Variants in KIF15 observed in about 807,000 individuals in gnomAD.
KIF15 encodes kinesin-like protein KIF15.
KIF15 carries 140 observed loss-of-function variants against 190.6 expected under a neutral mutation model. The observed-to-expected ratio is 0.73, with a 90% CI of 0.64 to 0.84. The LOEUF (loss-of-function observed/expected upper bound fraction) is 0.84, where lower values mean the gene tolerates loss of function less well. Among genes scored for constraint, KIF15 ranks in the 40% least tolerant of loss-of-function variants. KIF15 has a pLI of 0.00. For synonymous variants in KIF15, 528 were observed against 551.3 expected (o/e 0.96, Z 0.59); for missense variants, 1,372 against 1,584.4 (o/e 0.87, Z 2.28).
intron 6 of KIF15, among the ~76,000 whole-genome samples, chr3:44,867,163 A>G (rs886293821): frequency 6.6e-6 from 1 of 152,078 alleles, no homozygotes; most frequent in African/African-American, 2.4e-5. Context: ...CAGAACCACA[A>G]TGTCAGCCCG....
chr3:44,845,261 A>G (rs1018705916), intron 30 of KIF15, among the ~76,000 whole-genome samples: 2 of 152,184 alleles, frequency 1.3e-5, no homozygotes, highest in African/African-American at 4.8e-5. Flanking sequence ...GGTGGTGGTC[A>G]TGGAGGTGGT....
At chr3:44,810,743 T>C (rs1707744485) in intron 16 of KIF15, 103 bp from the exon 17 acceptor site, 2 of 960,992 alleles carry the variant, frequency 2.1e-6, no homozygotes, top group South Asian at 3.6e-5. Context: ...TTCCTTTCTT[T>C]TCATGAATAG....
chr3:44,790,895 A>T (rs1706666598), intron 7 of KIF15, among the ~76,000 whole-genome samples: 1 of 151,732 alleles, frequency 6.6e-6, no homozygotes, highest in South Asian at 2.1e-4. Flanking sequence ...GTTGGCCAGG[A>T]TGGTCTCTAT....
intron 7 of KIF15, among the ~76,000 whole-genome samples, chr3:44,791,618 T>G (rs73076568): frequency 0.042 from 6,399 of 152,288 alleles, 173 homozygotes; most frequent in Non-Finnish European, 0.065. Flanking sequence ...GTTTTTGATT[T>G]TTTATTTTGA....
chr3:44,857,582 G>A (rs1699201458), downstream of KIF15, among the ~76,000 whole-genome samples: 2 of 152,196 alleles, frequency 1.3e-5, no homozygotes, highest in Non-Finnish European at 2.9e-5. Flanking sequence ...TGTCTTCAAG[G>A]AACGGAAAGA....
At chr3:44,811,105 T>TCTG in intron 17 of KIF15, 62 bp downstream of exon 17, 1 of 1,261,480 alleles carries the variant, frequency 7.9e-7, no homozygotes, top group East Asian at 2.3e-5. Flanking sequence ...TTTGCTTTGT[T>TCTG]ATTTTAATTC....
intron 6 of KIF15, chr3:44,861,854 G>A (rs1210757804): frequency 6.9e-7 from 1 of 1,443,696 alleles, no homozygotes; most frequent in Admixed American, 2.1e-5. Context: ...GTCACGTGAG[G>A]CTGCCATCCA....
At chr3:44,818,572 C>T (rs1708128383) in intron 20 of KIF15, among the ~76,000 whole-genome samples, 1 of 152,196 alleles carries the variant, frequency 6.6e-6, no homozygotes, top group Non-Finnish European at 1.5e-5. Flanking sequence ...TTGAAGCAGC[C>T]TTGCATGCCA....
intron 10 of KIF15, chr3:44,799,227 C>T (rs534295930): frequency 1.8e-5 from 8 of 456,478 alleles, no homozygotes; most frequent in Non-Finnish European, 3.5e-5. Context: ...TCAGAAGCAA[C>T]TGGAAATGGC....
downstream of KIF15, among the ~76,000 whole-genome samples, chr3:44,857,254 T>A (rs117820685): frequency 6.6e-6 from 1 of 151,698 alleles, no homozygotes; most frequent in African/African-American, 2.4e-5. Context: ...GCTGAAGGAG[T>A]CGGGAAGCAG....
intron 7 of KIF15, among the ~76,000 whole-genome samples, chr3:44,793,024 G>T (rs940263402): frequency 3.9e-5 from 6 of 152,164 alleles, no homozygotes; most frequent in Admixed American, 3.9e-4. Context: ...AGCATCACCT[G>T]AGAGCTTGTT....
At chr3:44,831,440 C>G (rs953444596) in intron 26 of KIF15, among the ~76,000 whole-genome samples, 1 of 152,156 alleles carries the variant, frequency 6.6e-6, no homozygotes, top group Non-Finnish European at 1.5e-5. Flanking sequence ...GCTGACACCA[C>G]GTTAACTTCC....
chr3:44,788,479 G>A (rs1400823703), intron 7 of KIF15, among the ~76,000 whole-genome samples: 24 of 149,978 alleles, frequency 1.6e-4, no homozygotes, highest in African/African-American at 5.9e-4. Context: ...TTTGAGACAG[G>A]GTCTCGCTCT....
At chr3:44,838,604 C>T (rs1462645970) in intron 27 of KIF15, among the ~76,000 whole-genome samples, 183 bp downstream of exon 27, 9 of 152,084 alleles carry the variant, frequency 5.9e-5, no homozygotes, top group East Asian at 1.9e-4. Context: ...AAAAGTTAGC[C>T]GGGCGTGGTG....
intron 1 of KIF15, 108 bp downstream of exon 1, chr3:44,761,992 A>C: frequency 1.4e-6 from 2 of 1,395,152 alleles, no homozygotes; most frequent in Non-Finnish European, 2.0e-6. Flanking sequence ...CATGAACTGC[A>C]GGAGCTGAGT....
chr3:44,825,891 C>A, intron 20 of KIF15, 148 bp from the exon 21 acceptor site: 1 of 626,072 alleles, frequency 1.6e-6, no homozygotes, highest in Non-Finnish European at 2.7e-6. Flanking sequence ...GGACATTTCA[C>A]ACAGGTCCAT....
Position 44,840,456 on chromosome 3 carries a change from G to A in KIF15, c.3420G>A (p.Gln1140=). The A allele has an allele frequency of 6.3e-7, 1 of 1,580,880 alleles. No homozygotes were observed. Among genetic ancestry groups the A allele is most frequent in the Non-Finnish European group, 8.6e-7 (1 of 1,161,500 alleles). The change falls in exon 28 of 35, where the codon CAG becomes CAA. Residue 1140 remains glutamine (Q), a splice_region_variant and synonymous_variant. Transcript: ENST00000326047. Reference sequence around the variant, plus strand: ...TGGATTCTGCTGCTGAGGATCCCCAGGTACTTTTCAGAAAAAGATTATTTC... The same window carrying A: ...TGGATTCTGCTGCTGAGGATCCCCAAGTACTTTTCAGAAAAAGATTATTTC... ...HVMDSAAEDP[Q]SPKTPPHFQT...
chr3:44,786,087 G>T (rs562300957), intron 6 of KIF15, among the ~76,000 whole-genome samples: 1 of 152,234 alleles, frequency 6.6e-6, no homozygotes, highest in African/African-American at 2.4e-5. Context: ...GTGGTGGCGG[G>T]CACCTGTAGT....
intron 1 of KIF15, among the ~76,000 whole-genome samples, chr3:44,768,735 G>T (rs1162846699): frequency 1.3e-5 from 2 of 152,138 alleles, no homozygotes; most frequent in African/African-American, 4.8e-5. Flanking sequence ...CTGACAGGGG[G>T]TGCTGTGTTG....
Sources: allele counts gnomAD v4.1 joint callset (sites outside exome capture counted in the v4.1 genomes callset), GRCh38; gene constraint gnomAD v4.1.1; transcripts MANE v1.5; gene names NCBI Gene and HGNC (gene_info 2026-07-23, HGNC 2026-07-21).